Variants in CLYBL observed in about 807,000 individuals in gnomAD.
CLYBL encodes citramalyl-CoA lyase, mitochondrial.
In CLYBL, 31 loss-of-function variants were observed where a neutral mutation model predicts 38.9. That is an observed-to-expected ratio of 0.80 (90% CI 0.60 to 1.08). CLYBL has a LOEUF of 1.08. Ranked by LOEUF, CLYBL falls within the 50% of genes least tolerant of loss-of-function variation. The pLI is 0.00. For missense variants in CLYBL, 434 were observed against 411.6 expected, an observed-to-expected ratio of 1.05 and a Z score of -0.47; for synonymous variants, 171 against 158.6, an observed-to-expected ratio of 1.08 and a Z score of -0.59.
chr13:99,786,342 G>A (rs999391142), intron 2 of CLYBL, among the ~76,000 whole-genome samples: 3 of 151,762 alleles, frequency 2.0e-5, no homozygotes, highest in African/African-American at 4.8e-5. Context: ...ATTTCCTAAT[G>A]CTTTCCCTTC....
intron 1 of CLYBL, among the ~76,000 whole-genome samples, chr13:99,755,999 A>G (rs911089993): frequency 6.6e-6 from 1 of 152,194 alleles, no homozygotes; most frequent in African/African-American, 2.4e-5. Flanking sequence ...GCTGCTGGAA[A>G]TTATAAGACT....
chr13:99,698,993 C>T (rs991429489), intron 1 of CLYBL, among the ~76,000 whole-genome samples: 4 of 152,184 alleles, frequency 2.6e-5, no homozygotes, highest in African/African-American at 4.8e-5. Context: ...CACTCAGAAA[C>T]TAACACTGAT....
chr13:99,862,482 T>TAA (rs11399409), intron 3 of CLYBL, among the ~76,000 whole-genome samples: 1 of 151,940 alleles, frequency 6.6e-6, no homozygotes, highest in Admixed American at 6.6e-5. Context: ...CTAGGTAAGC[T>TAA]AAAAAATTAT....
At chr13:99,847,312 C>G (rs1210566225) in intron 2 of CLYBL, among the ~76,000 whole-genome samples, 1 of 152,208 alleles carries the variant, frequency 6.6e-6, no homozygotes, top group Non-Finnish European at 1.5e-5. Context: ...ATGAAGAAAG[C>G]TAGGTACGAG....
chr13:99,819,018 G>A (rs904936039), intron 2 of CLYBL, among the ~76,000 whole-genome samples: 2 of 152,036 alleles, frequency 1.3e-5, no homozygotes, highest in African/African-American at 4.8e-5. Context: ...TATATATTGA[G>A]TGCCTTACGT....
intron 1 of CLYBL, among the ~76,000 whole-genome samples, chr13:99,611,404 T>C (rs2046624695): frequency 6.6e-6 from 1 of 152,226 alleles, no homozygotes; most frequent in Admixed American, 6.5e-5. Context: ...GTTGTGTTGA[T>C]CATAAGGCTT....
At chr13:99,685,510 A>G (rs1033013430) in intron 1 of CLYBL, among the ~76,000 whole-genome samples, 4 of 151,652 alleles carry the variant, frequency 2.6e-5, no homozygotes, top group Non-Finnish European at 5.9e-5. Context: ...AACCACATAC[A>G]ATGATTTTGG....
chr13:99,790,236 CATT>C (rs1448461442), intron 2 of CLYBL, among the ~76,000 whole-genome samples: 1 of 152,160 alleles, frequency 6.6e-6, no homozygotes, highest in African/African-American at 2.4e-5. Context: ...TTGATCCTGT[CATT>C]ATGATGTTAG....
chr13:99,641,091 G>C (rs966286602), intron 1 of CLYBL, among the ~76,000 whole-genome samples: 1 of 152,138 alleles, frequency 6.6e-6, no homozygotes, highest in African/African-American at 2.4e-5. Flanking sequence ...TCTATTGAGC[G>C]TTCTCTGAAT....
chr13:99,862,832 G>GACTT (rs1355494779), intron 3 of CLYBL, among the ~76,000 whole-genome samples, 159 bp from the exon 4 acceptor site: 6 of 152,000 alleles, frequency 3.9e-5, no homozygotes, highest in African/African-American at 1.2e-4. Context: ...TTTTTCTTTG[G>GACTT]ACTTTCTTCT....
intron 1 of CLYBL, among the ~76,000 whole-genome samples, chr13:99,770,559 C>T (rs1056656416): frequency 3.3e-5 from 5 of 152,086 alleles, no homozygotes; most frequent in African/African-American, 1.2e-4. Flanking sequence ...CCTCATGATC[C>T]GCCCGTCTCG....
rs1252749362 is a variant in CLYBL, at chr13:99,865,704, G to T, written c.635-536G>T. ...TTCAGCGGGCTACAGAAGGCATATC[G>T]ATGCTTTCCAGCCCTCTCAAAACAA... On this transcript the variant is annotated intron_variant, in intron 5 of 8. Coordinates refer to ENST00000339105, the MANE Select transcript of CLYBL (RefSeq NM_206808.5). The surrounding 1 kb of genome is among the most constrained non-coding windows in gnomAD (Gnocchi z 4.7). 1.3e-5 allele frequency among the ~76,000 whole-genome samples: 2 copies of T among 152,180 alleles called. No homozygotes were observed. The highest frequency in any genetic ancestry group is 4.8e-5 in the African/African-American group (2 of 41,440).
intron 1 of CLYBL, among the ~76,000 whole-genome samples, chr13:99,712,331 CTT>C (rs766784946): frequency 9.6e-4 from 116 of 120,772 alleles, no homozygotes; most frequent in Middle Eastern, 4.7e-3. Flanking sequence ...TAGCAATTGA[CTT>C]TTTTTTTTTT....
chr13:99,707,070 T>C (rs896968782), intron 1 of CLYBL, among the ~76,000 whole-genome samples: 1 of 152,164 alleles, frequency 6.6e-6, no homozygotes. Flanking sequence ...CAAGACAAGA[T>C]AGAAGCTTAC....
At chr13:99,759,706 A>G (rs928752336) in intron 1 of CLYBL, among the ~76,000 whole-genome samples, 2 of 152,166 alleles carry the variant, frequency 1.3e-5, no homozygotes, top group Non-Finnish European at 2.9e-5. Flanking sequence ...AGCTGTATCT[A>G]CCTACTACTT....
intron 1 of CLYBL, among the ~76,000 whole-genome samples, chr13:99,766,044 G>A (rs958440763): frequency 6.6e-6 from 1 of 151,580 alleles, no homozygotes; most frequent in Non-Finnish European, 1.5e-5. Flanking sequence ...TAGAGAGGGG[G>A]GTCTCACTAT....
At chr13:99,696,816 A>C (rs189585814) in intron 1 of CLYBL, among the ~76,000 whole-genome samples, 78 of 152,062 alleles carry the variant, frequency 5.1e-4, no homozygotes, top group South Asian at 1.3e-3. Context: ...CACAAAAAAA[A>C]CCCACACAAA....
chr13:99,626,042 G>T lies in CLYBL; in HGVS notation c.62+19285G>T, dbSNP rs2046865112. Reference sequence around the variant, plus strand: ...AGTATTGTGTCTTAGTCTTCAAGTGGCCAGTGCAGTACCTTGGCCTGTGGT... The same window carrying T: ...AGTATTGTGTCTTAGTCTTCAAGTGTCCAGTGCAGTACCTTGGCCTGTGGT... On this transcript the variant is annotated intron_variant, in intron 1 of 8. Transcript: ENST00000339105. 2.0e-5 allele frequency among the ~76,000 whole-genome samples: 3 copies of T among 152,328 alleles called. No individual in the cohort carries two copies. In the South Asian group the frequency reaches 6.2e-4, roughly 32 times the overall value.
intron 2 of CLYBL, among the ~76,000 whole-genome samples, chr13:99,786,018 C>T (rs753043367): frequency 3.9e-5 from 6 of 151,968 alleles, no homozygotes; most frequent in Non-Finnish European, 8.8e-5. Flanking sequence ...GTGAACCTTG[C>T]CCATCCCCCA....
Sources: gnomAD v4.1 joint callset for allele counts (sites outside exome capture counted in the v4.1 genomes callset) on GRCh38, gnomAD v4.1.1 for gene constraint, Gnocchi (gnomAD v3.1) non-coding constraint, MANE v1.5 for transcripts, NCBI Gene and HGNC (gene_info 2026-07-23, HGNC 2026-07-21) for gene names.